PDE8A: variants seen among roughly 807,000 people sequenced by gnomAD.
PDE8A encodes the protein phosphodiesterase 8A.
A neutral mutation model predicts 105.0 loss-of-function variants in PDE8A; 59 were observed. The ratio of observed to expected loss-of-function variants is 0.56; its 90% CI spans 0.46 to 0.70. PDE8A has a LOEUF of 0.70. PDE8A is among the 30% of genes least tolerant of loss of function. The pLI is 0.00. For synonymous variants in PDE8A, 355 were observed against 371.9 expected (o/e 0.95, Z 0.52); for missense variants, 1,014 against 1,045.9 (o/e 0.97, Z 0.42).
chr15:85,050,063 T>C lies in PDE8A; in HGVS notation c.187-14307T>C, dbSNP rs556017980. Among the ~76,000 whole-genome samples, 6 of 152,308 alleles carry C rather than the reference T, an allele frequency of 3.9e-5. No individual in the cohort carries two copies. In the East Asian group the frequency reaches 9.6e-4, roughly 24 times the overall value. On this transcript the variant is annotated intron_variant, in intron 1 of 21. Transcript: ENST00000394553. ...TTGATTTTCATTTCCCTACTGGTTA[T>C]TGATATTGAGCATCTTTTCATGTGC...
At chr15:85,089,718 G>A (rs1341233139) in intron 7 of PDE8A, among the ~76,000 whole-genome samples, 1 of 152,118 alleles carries the variant, frequency 6.6e-6, no homozygotes, top group Non-Finnish European at 1.5e-5. Flanking sequence ...ATGATTGCTG[G>A]GGGCTTGGGG....
At chr15:85,037,942 A>G (rs571883935) in intron 1 of PDE8A, among the ~76,000 whole-genome samples, 73 of 152,356 alleles carry the variant, frequency 4.8e-4, no homozygotes, top group African/African-American at 1.7e-3. Flanking sequence ...TAGATATACA[A>G]ATTGTAGATG....
At chr15:85,056,045 T>G (rs1385448034) in intron 1 of PDE8A, among the ~76,000 whole-genome samples, 1 of 152,146 alleles carries the variant, frequency 6.6e-6, no homozygotes, top group East Asian at 1.9e-4. Context: ...CTGTAAAGGA[T>G]TTTATTTCTC....
intron 1 of PDE8A, among the ~76,000 whole-genome samples, chr15:85,045,869 G>A (rs980617919): frequency 1.3e-5 from 2 of 152,134 alleles, no homozygotes; most frequent in Non-Finnish European, 2.9e-5. Flanking sequence ...AAAGCCTGAA[G>A]GGATAGTATG....
At chr15:85,129,469 A>C (rs906486071) in intron 20 of PDE8A, among the ~76,000 whole-genome samples, 4 of 152,106 alleles carry the variant, frequency 2.6e-5, no homozygotes, top group Non-Finnish European at 4.4e-5. Context: ...GGTAGGTTGC[A>C]TGTTTCTAGG....
chr15:85,082,645 G>T (rs2081485355), intron 5 of PDE8A, among the ~76,000 whole-genome samples: 1 of 152,102 alleles, frequency 6.6e-6, no homozygotes. Flanking sequence ...TCTGGCTGGG[G>T]CTTATAGATA....
At chr15:84,988,946 T>C (rs1196680429) in intron 1 of PDE8A, among the ~76,000 whole-genome samples, 1 of 152,264 alleles carries the variant, frequency 6.6e-6, no homozygotes, top group Non-Finnish European at 1.5e-5. Flanking sequence ...TCCACGAGTC[T>C]ATCTCACCTT....
intron 5 of PDE8A, among the ~76,000 whole-genome samples, chr15:85,077,459 A>G (rs1020580380): frequency 1.3e-5 from 2 of 152,254 alleles, no homozygotes; most frequent in Admixed American, 1.3e-4. Context: ...ATCTCAAGCC[A>G]TGAATTTAGT....
chr15:85,040,512 G>T (rs559342327), intron 1 of PDE8A, among the ~76,000 whole-genome samples: 1 of 149,822 alleles, frequency 6.7e-6, no homozygotes, highest in East Asian at 1.9e-4. Flanking sequence ...AATGTATGTA[G>T]TTTTGTTTTT....
chr15:85,117,931 C>A, intron 17 of PDE8A, 92 bp downstream of exon 17: 1 of 1,016,282 alleles, frequency 9.8e-7, no homozygotes, highest in Non-Finnish European at 1.5e-6. Flanking sequence ...AGCATGACTG[C>A]TCACGTGTGC....
At position 85,092,334 on chromosome 15, in the gene PDE8A, T is replaced by G. The variant is rs79830977; in HGVS notation, c.852+1153T>G. ...AAGGATTTTTTTTGTTGTTGTTTTT[T>G]TTTGTTTTGTTTCGTTTTTTTACTA... On this transcript the variant is annotated intron_variant, in intron 8 of 21. Coordinates refer to ENST00000394553, the MANE Select transcript of PDE8A (RefSeq NM_002605.3). 7.4e-3 allele frequency among the ~76,000 whole-genome samples: 913 copies of G among 123,186 alleles called. 17 individuals carry two copies. The highest frequency in any genetic ancestry group is 0.044 in the East Asian group (228 of 5,182). 80.8% of individuals were successfully genotyped at this position (123,186 alleles called of 152,430 possible).
intron 12 of PDE8A, 76 bp downstream of exon 12, chr15:85,109,206 A>G (rs2081987232): frequency 1.1e-6 from 1 of 940,214 alleles, no homozygotes; most frequent in Non-Finnish European, 1.7e-6. Context: ...TGCCTTGCCC[A>G]GGCTCATCCT....
intron 1 of PDE8A, among the ~76,000 whole-genome samples, chr15:84,996,227 C>T (rs1309536513): frequency 6.6e-6 from 1 of 151,824 alleles, no homozygotes; most frequent in East Asian, 1.9e-4. Flanking sequence ...CTCTGTTGCC[C>T]AGGCTGGAGT....
intron 5 of PDE8A, among the ~76,000 whole-genome samples, chr15:85,080,582 A>G (rs956163700): frequency 9.9e-5 from 15 of 152,196 alleles, no homozygotes; most frequent in African/African-American, 3.4e-4. Context: ...TTGAAAGTAC[A>G]TAGATGCACT....
At chr15:84,997,077 T>C (rs1265482884) in intron 1 of PDE8A, among the ~76,000 whole-genome samples, 1 of 150,394 alleles carries the variant, frequency 6.6e-6, no homozygotes, top group African/African-American at 2.5e-5. Flanking sequence ...TTTATAAAGT[T>C]TTTTTAACTT....
intron 3 of PDE8A, among the ~76,000 whole-genome samples, chr15:85,074,120 G>A (rs1405618615): frequency 1.3e-5 from 2 of 152,212 alleles, no homozygotes; most frequent in Non-Finnish European, 2.9e-5. Context: ...CTGGTCGCTA[G>A]AGCTGCTTTT....
intron 20 of PDE8A, among the ~76,000 whole-genome samples, chr15:85,131,395 G>C (rs1460060501): frequency 6.6e-6 from 1 of 151,926 alleles, no homozygotes; most frequent in East Asian, 1.9e-4. Context: ...TTGATATTTT[G>C]TAATGGCACA....
At chr15:85,038,213 GGGGGT>G (rs1420014285) in intron 1 of PDE8A, among the ~76,000 whole-genome samples, 14 of 14,212 alleles carry the variant, frequency 9.9e-4, no homozygotes, top group Admixed American at 7.6e-3. Context: ...TCTCCAATTG[GGGGGT>G]GTGTGTGTGT....
intron 8 of PDE8A, among the ~76,000 whole-genome samples, chr15:85,093,482 C>A (rs1268082221): frequency 6.6e-6 from 1 of 152,190 alleles, no homozygotes; most frequent in Non-Finnish European, 1.5e-5. Context: ...ACCAGCATTG[C>A]AGAATGGAGA....
Sources: allele counts gnomAD v4.1 joint callset (sites outside exome capture counted in the v4.1 genomes callset), GRCh38; gene constraint gnomAD v4.1.1; transcripts MANE v1.5; gene names NCBI Gene and HGNC (gene_info 2026-07-23, HGNC 2026-07-21).